ZNF514: variants seen among roughly 807,000 people sequenced by gnomAD.
The protein encoded by ZNF514 is zinc finger protein 514.
Under a neutral mutation model 9.7 loss-of-function variants are expected in ZNF514, and 12 were observed. The ratio of observed to expected loss-of-function variants is 1.24; its 90% CI spans 0.79 to 2.01. The LOEUF is 2.01. Ranked by LOEUF, ZNF514 falls within the 30% of genes most tolerant of loss-of-function variation. ZNF514 has a pLI of 0.00. For synonymous variants in ZNF514, 158 were observed against 163.7 expected, an observed-to-expected ratio of 0.97 and a Z score of 0.27; for missense variants, 467 against 465.5, an observed-to-expected ratio of 1.00 and a Z score of -0.03.
At chr2:95,150,387 G>A (rs1673505555) in intron 4 of ZNF514, 120 bp from the exon 5 acceptor site, 12 of 1,137,668 alleles carry the variant, frequency 1.1e-5, no homozygotes, top group South Asian at 1.8e-5. Flanking sequence ...ACACCTAAAA[G>A]GGACGTACAG....
intron 4 of ZNF514, among the ~76,000 whole-genome samples, chr2:95,151,621 A>G (rs933897683): frequency 6.6e-6 from 1 of 152,224 alleles, no homozygotes; most frequent in Non-Finnish European, 1.5e-5. Flanking sequence ...GTGGAAAATT[A>G]ATAAAATAAT....
At chr2:95,154,031 CACT>C (rs1172612670) in intron 2 of ZNF514, 3 of 152,168 alleles carry the variant, frequency 2.0e-5, no homozygotes, top group African/African-American at 7.2e-5. Context: ...ATGAAAAATT[CACT>C]ACTATAGTGA....
the ZNF514 span, among the ~76,000 whole-genome samples, chr2:95,125,029 G>A: frequency 2.0e-5 from 3 of 149,794 alleles, no homozygotes; most frequent in Non-Finnish European, 4.4e-5. Flanking sequence ...AGAGGCCTGT[G>A]CCACCATGCC....
downstream of ZNF514, among the ~76,000 whole-genome samples, chr2:95,142,987 G>A (rs1284499789): frequency 2.0e-5 from 3 of 152,094 alleles, no homozygotes; most frequent in Non-Finnish European, 4.4e-5. Context: ...TACTCTACTT[G>A]GATTAATCAA....
At position 95,150,067 on chromosome 2, in the gene ZNF514, T is replaced by C; in HGVS notation, c.418A>G (p.Ile140Val). 1 of 1,614,072 alleles carries C rather than the reference T, an allele frequency of 6.2e-7. No individual in the cohort carries two copies. Among genetic ancestry groups the C allele is most frequent in the East Asian group, 2.2e-5 (1 of 44,888 alleles). The part of the protein sequence containing the change: ...QERHLKQMST[I>V]HKSATTLSRD... Reference sequence around the variant, plus strand: ...CTAAGGGTGGTGGCAGATTTGTGAATGGTTGACATTTGTTTCAGGTGTCTC... The same window carrying C: ...CTAAGGGTGGTGGCAGATTTGTGAACGGTTGACATTTGTTTCAGGTGTCTC... Residue 140 changes from isoleucine to valine, a missense_variant, in exon 5 of 5, where the codon ATT becomes GTT. Coordinates refer to ENST00000295208, the MANE Select transcript of ZNF514 (RefSeq NM_032788.3).
the ZNF514 span, among the ~76,000 whole-genome samples, chr2:95,128,426 G>A: frequency 1.3e-5 from 2 of 151,426 alleles, no homozygotes; most frequent in South Asian, 4.2e-4. Flanking sequence ...GCATGGTGGT[G>A]TGTCCCTGTA....
chr2:95,126,653 T>C, the ZNF514 span, among the ~76,000 whole-genome samples: 3 of 152,232 alleles, frequency 2.0e-5, no homozygotes, highest in Non-Finnish European at 2.9e-5. Flanking sequence ...TTGCCATCTG[T>C]ATACCCTCTT....
Position 95,147,928 on chromosome 2 carries a change from C to G in ZNF514, c.*1354G>C, listed in dbSNP as rs765359899. On this transcript the variant is annotated 3_prime_UTR_variant, in exon 5 of 5. Coordinates refer to ENST00000295208, the MANE Select transcript of ZNF514 (RefSeq NM_032788.3). Reference sequence around the variant, plus strand: ...TGCTGAGGTTACAGGCGTGAGCCACCGCGCCCAGCCTATTTTAGTAATTTT... The same window carrying G: ...TGCTGAGGTTACAGGCGTGAGCCACGGCGCCCAGCCTATTTTAGTAATTTT... 6.6e-6 allele frequency: 1 copy of G among 152,144 alleles called. No homozygotes were observed. The highest frequency in any genetic ancestry group is 2.4e-5 in the African/African-American group (1 of 41,430). 9.4% of individuals were successfully genotyped at this position (152,144 alleles called of 1,614,324 possible).
Position 95,149,085 on chromosome 2 carries a change from C to T in ZNF514, c.*197G>A. On this transcript the variant is annotated 3_prime_UTR_variant, in exon 5 of 5. Coordinates refer to ENST00000295208, the MANE Select transcript of ZNF514 (RefSeq NM_032788.3). ...GTGGTTTCTCACTAGTATGGATTCTCCCATGTTTGGTAAGAGAGGGGAAGC... is the reference window on the plus strand; with the variant it reads ...GTGGTTTCTCACTAGTATGGATTCTTCCATGTTTGGTAAGAGAGGGGAAGC... 1 of 615,840 alleles carries T rather than the reference C, an allele frequency of 1.6e-6. No individual in the cohort carries two copies. Among genetic ancestry groups the T allele is most frequent in the Non-Finnish European group, 2.7e-6 (1 of 370,634 alleles). 38.1% of individuals were successfully genotyped at this position (615,840 alleles called of 1,614,324 possible). A position where few individuals can be genotyped will look rare whatever the true frequency, so the allele number is the denominator to read the frequency against.
the ZNF514 span, among the ~76,000 whole-genome samples, chr2:95,125,764 A>C: frequency 2.0e-5 from 3 of 152,220 alleles, no homozygotes; most frequent in Non-Finnish European, 4.4e-5. Flanking sequence ...CTCAAGGTTC[A>C]TCCAGGTATA....
At chr2:95,151,274 C>T (rs1249310618) in intron 4 of ZNF514, among the ~76,000 whole-genome samples, 2 of 152,172 alleles carry the variant, frequency 1.3e-5, no homozygotes, top group East Asian at 3.9e-4. Context: ...CATTTCCTGG[C>T]TGGGCAGAAA....
intron 1 of ZNF514, chr2:95,158,904 T>C (rs1329498721): frequency 3.9e-6 from 5 of 1,289,794 alleles, no homozygotes; most frequent in Non-Finnish European, 5.1e-6. Flanking sequence ...CCTCCTGATA[T>C]CGGGCTCGGT....
chr2:95,142,975 C>A (rs1673283288), downstream of ZNF514, among the ~76,000 whole-genome samples: 1 of 152,222 alleles, frequency 6.6e-6, no homozygotes, highest in Non-Finnish European at 1.5e-5. Flanking sequence ...GCTATTACTT[C>A]TTACTCTACT....
chr2:95,157,961 C>T lies in ZNF514; in HGVS notation c.-95-522G>A, dbSNP rs535057079. ...CTGGTGTTCCCAAGCTCTGTTAGGT[C>T]TCTGCAACACACTTGAGAGCTCCTT... On this transcript the variant is annotated intron_variant, in intron 1 of 4. Coordinates refer to ENST00000295208, the MANE Select transcript of ZNF514 (RefSeq NM_032788.3). 2.6e-5 allele frequency among the ~76,000 whole-genome samples: 4 copies of T among 152,276 alleles called. No homozygotes were observed. In the East Asian group the frequency reaches 7.7e-4, roughly 29 times the overall value.
rs1295995558 is a variant in ZNF514, at chr2:95,159,829, G to T, written c.-685C>A. On this transcript the variant is annotated 5_prime_UTR_variant, in exon 1 of 5. Transcript: ENST00000295208. ...CCTTCAGAGCCAGCGCCGGTGGCGG[G>T]GTGCTGGCGCGGCGAAGCTGGAGAG... Among the ~76,000 whole-genome samples the T allele has an allele frequency of 1.3e-5, 2 of 151,872 alleles. No homozygotes were observed. Among genetic ancestry groups the T allele is most frequent in the African/African-American group, 2.4e-5 (1 of 41,434 alleles).
At chr2:95,143,300 ATTTG>A (rs762595122), downstream of ZNF514, among the ~76,000 whole-genome samples, 5 of 152,202 alleles carry the variant, frequency 3.3e-5, no homozygotes, top group South Asian at 4.2e-4. Context: ...TTTCATATTG[ATTTG>A]TTTGAGGGTG....
chr2:95,126,392 A>AAAAAAAAAAAAG, the ZNF514 span, among the ~76,000 whole-genome samples: 195 of 84,362 alleles, frequency 2.3e-3, no homozygotes, highest in Middle Eastern at 0.028. Flanking sequence ...AAAAAAAAAA[A>AAAAAAAAAAAAG]AAAGAAAGAA....
chr2:95,126,488 T>G, the ZNF514 span, among the ~76,000 whole-genome samples: 1 of 152,142 alleles, frequency 6.6e-6, no homozygotes, highest in African/African-American at 2.4e-5. Flanking sequence ...CAGCAATATG[T>G]GAAAGATCTA....
At chr2:95,125,267 G>A in the ZNF514 span, among the ~76,000 whole-genome samples, 5 of 142,836 alleles carry the variant, frequency 3.5e-5, no homozygotes, top group Admixed American at 7.3e-5. Context: ...CTCGCGTCGC[G>A]TCTCGCTCTG....
Sources: gnomAD v4.1 joint callset for allele counts (sites outside exome capture counted in the v4.1 genomes callset) on GRCh38, gnomAD v4.1.1 for gene constraint, MANE v1.5 for transcripts, NCBI Gene and HGNC (gene_info 2026-07-23, HGNC 2026-07-21) for gene names.